The following ZNF324 variants were observed in gnomAD, a reference collection of about 807,000 sequenced individuals.
ZNF324 encodes the protein zinc finger protein 324A.
Under a neutral mutation model 10.3 loss-of-function variants are expected in ZNF324, and 3 were observed. The observed-to-expected ratio is 0.29, with a 90% CI of 0.13 to 0.75. ZNF324 has a LOEUF of 0.75. Ranked by LOEUF, ZNF324 falls within the 30% of genes least tolerant of loss-of-function variation. The pLI is 0.69. For synonymous variants in ZNF324, 430 were observed against 339.5 expected (o/e 1.27, Z -2.93); for missense variants, 763 against 784.4 (o/e 0.97, Z 0.33).
intron 3 of ZNF324, 126 bp downstream of exon 3, chr19:58,469,970 C>T (rs1209120786): frequency 4.2e-6 from 3 of 712,786 alleles, no homozygotes; most frequent in Non-Finnish European, 7.1e-6. Context: ...TCCCTTCCAT[C>T]ATCAGCCCCT....
At position 58,471,098 on chromosome 19, in the gene ZNF324, C is replaced by G. The variant is rs2080691246; in HGVS notation, c.606C>G (p.Val202=). The G allele has an allele frequency of 6.2e-7, 1 of 1,613,860 alleles. No homozygotes were observed. The highest frequency in any genetic ancestry group is 8.5e-7 in the Non-Finnish European group (1 of 1,180,034). The part of the protein sequence containing the change: ...PERQKPCAQE[V]PGRTFGSAQD... ...GGCAGAAACCATGTGCACAGGAGGT[C>G]CCTGGGAGAACCTTTGGGAGCGCCC... Residue 202 remains valine (V), a synonymous_variant, in exon 4 of 4, where the codon GTC becomes GTG. Transcript: ENST00000196482.
intron 2 of ZNF324, 28 bp from the exon 3 acceptor site, chr19:58,469,700 G>A (rs1243297176): frequency 6.5e-7 from 1 of 1,540,300 alleles, no homozygotes. Flanking sequence ...GCTGGGGCTG[G>A]ACTCTAACCT....
chr19:58,471,147 C>T lies in ZNF324; in HGVS notation c.655C>T (p.Arg219Trp), dbSNP rs755210491. 9.9e-6 allele frequency: 16 copies of T among 1,613,616 alleles called. No homozygotes were observed. The highest frequency in any genetic ancestry group is 6.6e-5 in the South Asian group (6 of 91,076). ...CCAGGACCTGGAGGCTGCCGGCGGT[C>T]GGGGACATCACCGAATGGGTGCAGT... ...SAQDLEAAGG[R>W]GHHRMGAVWQ... Residue 219 changes from arginine to tryptophan, a missense_variant, in exon 4 of 4, where the codon CGG becomes TGG. Arg to Trp is a moderately radical substitution (Grantham distance 101). Around this residue, in one of 3 missense-constraint regions of ZNF324, gnomAD observed 379 missense variants for 319.4 expected, o/e 1.19. Transcript: ENST00000196482.
chr19:58,469,100 T>A (rs2053005671), intron 1 of ZNF324, 80 bp from the exon 2 acceptor site: 1 of 1,579,028 alleles, frequency 6.3e-7, no homozygotes, highest in African/African-American at 1.4e-5. Context: ...CAATTCTTCT[T>A]CCAATGTGGC....
At position 58,469,534 on chromosome 19, in the gene ZNF324, GTGCCCTGGGCACAGTTGC is replaced by G. The variant is rs1049392344; in HGVS notation, c.122-184_122-167del. On this transcript the variant is annotated intron_variant, in intron 2 of 3. Coordinates refer to ENST00000196482, the MANE Select transcript of ZNF324 (RefSeq NM_014347.3). ...GCCTTGGCTCAGTCCCCTTCCTTTG[GTGCCCTGGGCACAGTTGC>G]TGCCCTGGGGATGAATGAGCTATTC... is the stretch of plus-strand genomic sequence containing the variant. Among the ~76,000 whole-genome samples, 11 of 152,360 alleles carry G rather than the reference GTGCCCTGGGCACAGTTGC, an allele frequency of 7.2e-5. 2 individuals are homozygous for G. Among genetic ancestry groups the G allele is most frequent in the Admixed American group, 1.3e-4 (2 of 15,306 alleles).
Position 58,471,436 on chromosome 19 carries a change from G to A in ZNF324, c.944G>A (p.Cys315Tyr), listed in dbSNP as rs1193050220. The change falls in exon 4 of 4, where the codon TGC becomes TAC. Residue 315 changes from cysteine (C) to tyrosine (Y), a missense_variant. Cys to Tyr is a radical substitution (Grantham distance 194). Around this residue, in one of 3 missense-constraint regions of ZNF324, gnomAD observed 153 missense variants for 269.0 expected, o/e 0.57. Transcript: ENST00000196482. Reference sequence around the variant, plus strand: ...CACAGCGGCGAGACGCCCTACGCGTGCCCCGTGTGCGGCAAGGCCTTCCGG... The same window carrying A: ...CACAGCGGCGAGACGCCCTACGCGTACCCCGTGTGCGGCAAGGCCTTCCGG... ...RIHSGETPYACPVCGKAFRHS... is the reference protein window; with the variant it reads ...RIHSGETPYAYPVCGKAFRHS... 1 of 1,605,602 alleles carries A rather than the reference G, an allele frequency of 6.2e-7. No homozygotes were observed.
rs772693535 is a variant in ZNF324 at position 58,471,212 on chromosome 19, CTCGACCTGGG to C, written c.721_730del (p.Ser241ThrfsTer24). On this transcript the variant is annotated frameshift_variant, in exon 4 of 4. Transcript: ENST00000196482. LOFTEE classifies it low-confidence loss of function (END_TRUNC). ...ATAGACTCCTCGGTGGCCAGGAGCCCTCGACCTGGGACGAGCTGGGCGAGGCTCTTCACGC... is the reference window on the plus strand; with the variant it reads ...ATAGACTCCTCGGTGGCCAGGAGCCCACGAGCTGGGCGAGGCTCTTCACGC... The C allele has an allele frequency of 6.2e-7, 1 of 1,613,570 alleles. No homozygotes were observed. Among genetic ancestry groups the C allele is most frequent in the Non-Finnish European group, 8.5e-7 (1 of 1,179,968 alleles).
chr19:58,468,550 C>T (rs2053001207), intron 1 of ZNF324, among the ~76,000 whole-genome samples: 1 of 152,136 alleles, frequency 6.6e-6, no homozygotes, highest in Non-Finnish European at 1.5e-5. Flanking sequence ...AGGGGAGGGT[C>T]CCAGTGATGG....
Position 58,472,341 on chromosome 19 carries a change from A to G in ZNF324, c.*187A>G. ...CAGTTCACCCACAGATCACACCTCC[A>G]TCCCCAAAGAGGTAGCACTGCAGCA... On this transcript the variant is annotated 3_prime_UTR_variant, in exon 4 of 4. Coordinates refer to ENST00000196482, the MANE Select transcript of ZNF324 (RefSeq NM_014347.3). 1 of 624,478 alleles carries G rather than the reference A, an allele frequency of 1.6e-6. No individual in the cohort carries two copies. Among genetic ancestry groups the G allele is most frequent in the East Asian group, 2.8e-5 (1 of 35,986 alleles). The allele number at this position is 624,478 out of a possible 1,614,324, so 38.7% of individuals were successfully genotyped here.
intron 1 of ZNF324, chr19:58,468,034 C>T (rs2122402234): frequency 1.5e-5 from 3 of 194,644 alleles, no homozygotes; most frequent in South Asian, 1.8e-4. Flanking sequence ...GGTGGATCTG[C>T]GGATGCATCA....
At chr19:58,467,593 C>G (rs555067293) in intron 1 of ZNF324, 1 of 152,538 alleles carries the variant, frequency 6.6e-6, no homozygotes, top group Non-Finnish European at 1.5e-5. Context: ...GCCTAGTCGT[C>G]TTTCCTCTCC....
chr19:58,467,214 C>T (rs1377720814), intron 1 of ZNF324, 31 bp downstream of exon 1: 1 of 150,834 alleles, frequency 6.6e-6, no homozygotes, highest in Non-Finnish European at 1.5e-5. Context: ...TCGGGCCCGC[C>T]CTGCGCACGC....
In ZNF324 at chr19:58,471,572, C is replaced by G; in HGVS notation, c.1080C>G (p.Arg360=). The change falls in exon 4 of 4, where the codon CGC becomes CGG. Residue 360 remains arginine, a synonymous_variant. Transcript: ENST00000196482. ...ACGGCTCCAACCTCAGCCAGCACCG[C>G]AAGATCCACGCGGGTGGGCGTCCTT... ...FSHGSNLSQH[R]KIHAGGRPYA... 6.3e-7 allele frequency: 1 copy of G among 1,590,304 alleles called. No individual in the cohort carries two copies. The highest frequency in any genetic ancestry group is 1.1e-5 in the South Asian group (1 of 89,778).
chr19:58,467,650 G>A (rs1231618676), intron 1 of ZNF324: 1 of 152,174 alleles, frequency 6.6e-6, no homozygotes, highest in East Asian at 1.9e-4. Flanking sequence ...CTGCGTCCAG[G>A]GCACTGGTGA....
At chr19:58,467,441 C>CGG (rs1224307475) in intron 1 of ZNF324, 11 of 152,198 alleles carry the variant, frequency 7.2e-5, no homozygotes, top group South Asian at 2.1e-4. Context: ...CGGGGAAAGG[C>CGG]TGGGTGGTCC....
rs2053034937 is a variant in ZNF324 at position 58,471,701 on chromosome 19, T to C, written c.1209T>C (p.Gly403=). The C allele has an allele frequency of 6.2e-7, 1 of 1,611,656 alleles. No homozygotes were observed. The highest frequency in any genetic ancestry group is 1.1e-5 in the South Asian group (1 of 91,008). The stretch of plus-strand genomic sequence containing the variant: ...AGCCCTTCGTGTGCGCGCTCTGCGG[T>C]GCTGCCTTCAGCCAGGGCTCCTCGC... ...GEKPFVCALC[G]AAFSQGSSLF... is the part of the protein sequence containing the mutation. The change falls in exon 4 of 4, where the codon GGT becomes GGC. Residue 403 remains glycine (G), a synonymous_variant. Coordinates refer to ENST00000196482, the MANE Select transcript of ZNF324 (RefSeq NM_014347.3).
chr19:58,472,335 A>AGATCAC lies in ZNF324; in HGVS notation c.*181_*182insGATCAC. The AGATCAC allele has an allele frequency of 1.6e-6, 1 of 638,010 alleles. No individual in the cohort carries two copies. 39.5% of individuals were successfully genotyped at this position (638,010 alleles called of 1,614,324 possible). A position where few individuals can be genotyped will look rare whatever the true frequency, so the allele number is the denominator to read the frequency against. ...ATTTGCCAGTTCACCCACAGATCAC[A>AGATCAC]CCTCCATCCCCAAAGAGGTAGCACT... is the stretch of plus-strand genomic sequence containing the variant. On this transcript the variant is annotated 3_prime_UTR_variant, in exon 4 of 4. Coordinates refer to ENST00000196482, the MANE Select transcript of ZNF324 (RefSeq NM_014347.3).
In ZNF324 at chr19:58,473,878, G is replaced by C. The variant is rs934629235; in HGVS notation, c.*1724G>C. 2 of 152,342 alleles carry C rather than the reference G, an allele frequency of 1.3e-5. No homozygotes were observed. Among genetic ancestry groups the C allele is most frequent in the Non-Finnish European group, 2.9e-5 (2 of 68,148 alleles). 9.4% of individuals were successfully genotyped at this position (152,342 alleles called of 1,614,324 possible). On this transcript the variant is annotated 3_prime_UTR_variant, in exon 4 of 4. Coordinates refer to ENST00000196482, the MANE Select transcript of ZNF324 (RefSeq NM_014347.3). ...GCAGCCCTGCTAGATGAGTCCTGGT[G>C]GATCCTGGCAATGGGAGGATGGTAG...
In ZNF324 at chr19:58,469,862, G is replaced by A. The variant is rs1294497621; in HGVS notation, c.238+18G>A. ...CAACCCTGGTGAGAGGGAGCTCAGG[G>A]TGGGGTGAATTCAGGACCAACCTGT... On this transcript the variant is annotated intron_variant, in intron 3 of 3. Transcript: ENST00000196482. 1 of 1,585,194 alleles carries A rather than the reference G, an allele frequency of 6.3e-7. No individual in the cohort carries two copies. Among genetic ancestry groups the A allele is most frequent in the East Asian group, 2.3e-5 (1 of 43,552 alleles).
Sources: allele counts gnomAD v4.1 joint callset (sites outside exome capture counted in the v4.1 genomes callset), GRCh38; gene constraint gnomAD v4.1.1; regional missense constraint gnomAD v4.1.1; transcripts MANE v1.5; gene names NCBI Gene and HGNC (gene_info 2026-07-23, HGNC 2026-07-21).